Variants in ELMO1 observed in about 807,000 individuals in gnomAD.
ELMO1 encodes engulfment and cell motility 1.
A neutral mutation model predicts 98.9 loss-of-function variants in ELMO1; 26 were observed. The observed-to-expected ratio is 0.26, with a 90% CI of 0.19 to 0.36. The LOEUF is 0.36. ELMO1 is among the 10% of genes least tolerant of loss of function. ELMO1 has a pLI of 1.00. For missense variants in ELMO1, 627 were observed against 935.2 expected (o/e 0.67, Z 4.30); for synonymous variants, 346 against 346.0 (o/e 1.00, Z 0.00).
intron 16 of ELMO1, among the ~76,000 whole-genome samples, chr7:36,976,614 G>A (rs1024059571): frequency 2.0e-5 from 3 of 152,094 alleles, no homozygotes; most frequent in Non-Finnish European, 4.4e-5. Flanking sequence ...CCTTTTGTTT[G>A]GCTCTCAGAG....
At chr7:37,241,876 C>A (rs540020153) in intron 7 of ELMO1, among the ~76,000 whole-genome samples, 1 of 152,192 alleles carries the variant, frequency 6.6e-6, no homozygotes, top group East Asian at 1.9e-4. Context: ...ATAGTTACAG[C>A]CTTTTAAAGA....
intron 15 of ELMO1, among the ~76,000 whole-genome samples, chr7:37,058,949 C>T (rs1324407278): frequency 6.6e-6 from 1 of 152,142 alleles, no homozygotes; most frequent in African/African-American, 2.4e-5. Context: ...AAGGGGGATG[C>T]TGGGGAAGGG....
chr7:37,317,771 G>T (rs139843204), intron 2 of ELMO1, among the ~76,000 whole-genome samples: 79 of 152,280 alleles, frequency 5.2e-4, no homozygotes, highest in African/African-American at 1.8e-3. Flanking sequence ...TAGCACAACA[G>T]GGTGACTATA....
At chr7:37,358,027 T>A (rs1458315996) in intron 1 of ELMO1, among the ~76,000 whole-genome samples, 2 of 152,238 alleles carry the variant, frequency 1.3e-5, no homozygotes, top group Non-Finnish European at 2.9e-5. Context: ...GGGTTGCTGA[T>A]CTGCTCACTG....
At chr7:37,149,832 C>G (rs867580603) in intron 13 of ELMO1, among the ~76,000 whole-genome samples, 1 of 152,126 alleles carries the variant, frequency 6.6e-6, no homozygotes, top group African/African-American at 2.4e-5. Context: ...CAAAGAAATG[C>G]TAATATTTTG....
intron 19 of ELMO1, 76 bp downstream of exon 19, chr7:36,877,934 C>A: frequency 8.8e-7 from 1 of 1,131,314 alleles, no homozygotes; most frequent in South Asian, 1.3e-5. Context: ...GCTGATAGTT[C>A]TGTTGCGTGA....
chr7:37,384,577 G>C (rs181977927), intron 1 of ELMO1, among the ~76,000 whole-genome samples: 89 of 152,202 alleles, frequency 5.8e-4, no homozygotes, highest in African/African-American at 2.0e-3. Flanking sequence ...AAAATTAGCC[G>C]GGCGCGGTGG....
intron 16 of ELMO1, among the ~76,000 whole-genome samples, chr7:36,975,068 AAGTC>A (rs1790406442): frequency 1.3e-5 from 2 of 152,252 alleles, no homozygotes; most frequent in African/African-American, 4.8e-5. Context: ...TTCATTCTTG[AAGTC>A]AGTAAGACCA....
intron 1 of ELMO1, among the ~76,000 whole-genome samples, chr7:37,407,104 A>C (rs1803802035): frequency 2.0e-5 from 3 of 152,156 alleles, no homozygotes; most frequent in Admixed American, 2.0e-4. Context: ...ACTTGACAAA[A>C]CTCAGAAGCA....
chr7:37,242,311 T>A (rs1794802706), intron 7 of ELMO1, among the ~76,000 whole-genome samples: 1 of 152,188 alleles, frequency 6.6e-6, no homozygotes, highest in Admixed American at 6.5e-5. Context: ...TTTTATGGTT[T>A]CAATTTCTCT....
chr7:37,424,142 G>C (rs1480389872), intron 1 of ELMO1, among the ~76,000 whole-genome samples: 1 of 152,204 alleles, frequency 6.6e-6, no homozygotes, highest in Non-Finnish European at 1.5e-5. Context: ...ATTTCCTCCA[G>C]AGCAAAATGG....
chr7:37,104,621 A>G (rs1403287710), intron 14 of ELMO1, among the ~76,000 whole-genome samples: 2 of 152,352 alleles, frequency 1.3e-5, no homozygotes, highest in Middle Eastern at 3.4e-3. Context: ...GCGGCCATCC[A>G]TGGTATGTCC....
At chr7:36,897,525 G>A (rs994685299) in intron 16 of ELMO1, among the ~76,000 whole-genome samples, 8 of 152,066 alleles carry the variant, frequency 5.3e-5, no homozygotes, top group African/African-American at 1.9e-4. Flanking sequence ...AAGTCCAAGA[G>A]GAGGACCAGC....
intron 16 of ELMO1, among the ~76,000 whole-genome samples, chr7:36,900,643 G>C (rs1321631781): frequency 6.6e-6 from 1 of 152,284 alleles, no homozygotes; most frequent in East Asian, 1.9e-4. Context: ...TCTGGAGAAG[G>C]TACAATGGTG....
chr7:37,007,056 C>T (rs1158291805), intron 16 of ELMO1, among the ~76,000 whole-genome samples: 1 of 152,118 alleles, frequency 6.6e-6, no homozygotes. Flanking sequence ...AAACTCTTTG[C>T]TACCTATTCA....
intron 13 of ELMO1, among the ~76,000 whole-genome samples, chr7:37,209,589 T>C (rs186097094): frequency 6.6e-6 from 1 of 152,202 alleles, no homozygotes; most frequent in Non-Finnish European, 1.5e-5. Flanking sequence ...CTTGGTAATT[T>C]TGATATGACT....
chr7:37,268,293 G>A (rs997846000), intron 5 of ELMO1, among the ~76,000 whole-genome samples: 5 of 151,994 alleles, frequency 3.3e-5, no homozygotes, highest in African/African-American at 1.2e-4. Flanking sequence ...ACATTCTCTG[G>A]GTGTGTTCCT....
At chr7:37,190,151 T>A (rs951425246) in intron 13 of ELMO1, among the ~76,000 whole-genome samples, 2 of 151,800 alleles carry the variant, frequency 1.3e-5, no homozygotes, top group Admixed American at 1.3e-4. Flanking sequence ...TAAACCACAA[T>A]GCAAGTGATA....
intron 2 of ELMO1, among the ~76,000 whole-genome samples, chr7:37,318,340 C>G (rs1291086081): frequency 6.6e-6 from 1 of 152,048 alleles, no homozygotes; most frequent in Non-Finnish European, 1.5e-5. Flanking sequence ...CTTCATGCAC[C>G]CTCAAAAATG....
Sources: allele counts gnomAD v4.1 joint callset (sites outside exome capture counted in the v4.1 genomes callset), GRCh38; gene constraint gnomAD v4.1.1; transcripts MANE v1.5; gene names NCBI Gene and HGNC (gene_info 2026-07-23, HGNC 2026-07-21).